Variants in TP53BP2 observed in about 807,000 individuals in gnomAD.
TP53BP2 encodes apoptosis-stimulating of p53 protein 2.
Under a neutral mutation model 126.2 loss-of-function variants are expected in TP53BP2, and 62 were observed. The observed-to-expected ratio is 0.49, with a 90% CI of 0.40 to 0.61. The LOEUF (loss-of-function observed/expected upper bound fraction) is 0.61, where lower values mean the gene tolerates loss of function less well. Ranked by LOEUF, TP53BP2 falls within the 20% of genes least tolerant of loss-of-function variation. TP53BP2 has a pLI of 0.00. For missense variants in TP53BP2, 1,215 were observed against 1,402.8 expected (o/e 0.87, Z 2.14); for synonymous variants, 485 against 502.9 (o/e 0.96, Z 0.48).
intron 1 of TP53BP2, among the ~76,000 whole-genome samples, chr1:223,826,536 A>T (rs980333392): frequency 6.6e-6 from 1 of 152,184 alleles, no homozygotes; most frequent in Non-Finnish European, 1.5e-5. Flanking sequence ...AGCTGCGGGA[A>T]GGGGAAATGG....
intron 13 of TP53BP2, among the ~76,000 whole-genome samples, chr1:223,794,775 A>G (rs1662262023): frequency 6.6e-6 from 1 of 152,208 alleles, no homozygotes; most frequent in African/African-American, 2.4e-5. Flanking sequence ...CCTCTATTTT[A>G]AAACTTTTTT....
chr1:223,819,012 C>T (rs1430229980), intron 2 of TP53BP2, among the ~76,000 whole-genome samples: 2 of 151,224 alleles, frequency 1.3e-5, no homozygotes, highest in South Asian at 2.1e-4. Flanking sequence ...GGAGAAAGCC[C>T]GTCTCTACTA....
intron 3 of TP53BP2, among the ~76,000 whole-genome samples, chr1:223,813,352 T>G (rs930983827): frequency 1.3e-5 from 2 of 152,160 alleles, no homozygotes; most frequent in African/African-American, 4.8e-5. Context: ...CCTCCGAAAT[T>G]TTCAATTCAA....
chr1:223,835,553 C>T (rs74739984), intron 1 of TP53BP2, among the ~76,000 whole-genome samples: 4,728 of 152,220 alleles, frequency 0.031, 245 homozygotes, highest in African/African-American at 0.11. Flanking sequence ...ACTCACTAAG[C>T]ACTACATTTT....
chr1:223,821,888 A>T (rs1042029591), intron 1 of TP53BP2, among the ~76,000 whole-genome samples: 2 of 148,070 alleles, frequency 1.4e-5, no homozygotes, highest in African/African-American at 2.6e-5. Context: ...CTATTCAAAA[A>T]ATTGTACTTT....
chr1:223,836,324 G>A (rs1190552654), intron 1 of TP53BP2, among the ~76,000 whole-genome samples: 2 of 152,214 alleles, frequency 1.3e-5, no homozygotes, highest in Non-Finnish European at 2.9e-5. Flanking sequence ...CAATTCCGAA[G>A]GAAGGCCGAA....
At chr1:223,821,464 G>A in intron 1 of TP53BP2, 97 bp from the exon 2 acceptor site, 1 of 1,502,842 alleles carries the variant, frequency 6.7e-7, no homozygotes, top group Non-Finnish European at 9.2e-7. Context: ...TCAGTTGGAA[G>A]TGCAAACGTA....
At chr1:223,805,583 T>A (rs1662686953) in intron 5 of TP53BP2, among the ~76,000 whole-genome samples, 1 of 152,220 alleles carries the variant, frequency 6.6e-6, no homozygotes, top group African/African-American at 2.4e-5. Context: ...AAGTATGACA[T>A]GAAGTCCACA....
intron 1 of TP53BP2, among the ~76,000 whole-genome samples, chr1:223,837,225 T>G (rs1305464546): frequency 6.6e-6 from 1 of 151,374 alleles, no homozygotes; most frequent in Admixed American, 6.6e-5. Flanking sequence ...TCTGGTCATG[T>G]GGTCAAAAGT....
chr1:223,805,979 C>CATAG (rs1662701896), intron 5 of TP53BP2, among the ~76,000 whole-genome samples: 1 of 152,152 alleles, frequency 6.6e-6, no homozygotes, highest in Non-Finnish European at 1.5e-5. Flanking sequence ...AGATTGGAAG[C>CATAG]CTATGGCTGG....
At chr1:223,781,340 G>A (rs763932047) in intron 17 of TP53BP2, among the ~76,000 whole-genome samples, 5 of 152,212 alleles carry the variant, frequency 3.3e-5, no homozygotes, top group Admixed American at 6.5e-5. Flanking sequence ...ATTGTGTCAT[G>A]GGACTTCAGA....
intron 15 of TP53BP2, among the ~76,000 whole-genome samples, chr1:223,790,037 C>T (rs1329161316): frequency 6.7e-6 from 1 of 149,742 alleles, no homozygotes; most frequent in Non-Finnish European, 1.5e-5. Flanking sequence ...TTTGGGAGGC[C>T]GAGGCGGGCA....
chr1:223,788,967 G>T (rs1371231934), intron 16 of TP53BP2, 41 bp downstream of exon 16: 3 of 1,583,916 alleles, frequency 1.9e-6, no homozygotes, highest in African/African-American at 1.4e-5. Flanking sequence ...CAGAATAAAT[G>T]AATGCAGTAA....
chr1:223,818,504 A>C (rs78790051), intron 2 of TP53BP2, among the ~76,000 whole-genome samples: 1 of 76,814 alleles, frequency 1.3e-5, no homozygotes, highest in Non-Finnish European at 2.1e-5. Context: ...CTCCATCTCA[A>C]AAAAAAAAAA....
intron 17 of TP53BP2, among the ~76,000 whole-genome samples, chr1:223,782,811 AT>A (rs1164714946): frequency 1.3e-5 from 2 of 152,082 alleles, no homozygotes; most frequent in African/African-American, 4.8e-5. Context: ...CACTTTCAGT[AT>A]TCTTTAAAGT....
intron 4 of TP53BP2, among the ~76,000 whole-genome samples, chr1:223,808,328 G>T (rs1420794282): frequency 6.6e-6 from 1 of 152,050 alleles, no homozygotes; most frequent in East Asian, 1.9e-4. Flanking sequence ...ATCACCTGAG[G>T]TCAGGAGTTC....
intron 1 of TP53BP2, among the ~76,000 whole-genome samples, chr1:223,823,435 C>A (rs1472326602): frequency 6.6e-6 from 1 of 152,160 alleles, no homozygotes; most frequent in Non-Finnish European, 1.5e-5. Flanking sequence ...TGTTAACTCA[C>A]ATGAACAGGT....
rs761398465 is a variant in TP53BP2, at chr1:223,804,322, T to C, written c.501A>G (p.Gln167=). 3 of 1,613,680 alleles carry C rather than the reference T, an allele frequency of 1.9e-6. No individual in the cohort carries two copies. Among genetic ancestry groups the C allele is most frequent in the Non-Finnish European group, 1.7e-6 (2 of 1,179,922 alleles). Residue 167 remains glutamine (Q), a synonymous_variant, in exon 6 of 18, where the codon CAA becomes CAG. Transcript: ENST00000343537. ...TKEQRLKFLK[Q]QDQRQQQQVA... ...CTTGTTGCTGTTGTCGCTGATCTTG[T>C]TGTTTCAAAAACTTTAAGCGCTGTT...
chr1:223,783,080 TCA>T (rs1476909038), intron 17 of TP53BP2, among the ~76,000 whole-genome samples: 2 of 152,204 alleles, frequency 1.3e-5, no homozygotes, highest in African/African-American at 2.4e-5. Flanking sequence ...AGTGGATCAC[TCA>T]CAGACAGAAT....
Sources: allele counts gnomAD v4.1 joint callset (sites outside exome capture counted in the v4.1 genomes callset), GRCh38; gene constraint gnomAD v4.1.1; transcripts MANE v1.5; gene names NCBI Gene and HGNC (gene_info 2026-07-23, HGNC 2026-07-21).